ROCK2: variants seen among roughly 807,000 people sequenced by gnomAD.
ROCK2 encodes the protein Rho associated coiled-coil containing protein kinase 2, also known as rho-associated protein kinase 2.
A neutral mutation model predicts 195.1 loss-of-function variants in ROCK2; 61 were observed. The ratio of observed to expected loss-of-function variants is 0.31; its 90% CI spans 0.25 to 0.39. The LOEUF (loss-of-function observed/expected upper bound fraction) is 0.39. Ranked by LOEUF, ROCK2 falls within the 10% of genes least tolerant of loss-of-function variation. The pLI is 1.00. For synonymous variants in ROCK2, 504 were observed against 545.5 expected (o/e 0.92, Z 1.06); for missense variants, 1,109 against 1,637.4 (o/e 0.68, Z 5.57).
intron 1 of ROCK2, among the ~76,000 whole-genome samples, chr2:11,294,131 T>C (rs2148204694): frequency 6.6e-6 from 1 of 151,508 alleles, no homozygotes; most frequent in East Asian, 1.9e-4. Context: ...CACTCCAGCC[T>C]GGGTGACAGA....
intron 1 of ROCK2, chr2:11,308,824 T>G (rs1667944478): frequency 6.2e-7 from 1 of 1,611,810 alleles, no homozygotes; most frequent in Non-Finnish European, 8.5e-7. Flanking sequence ...AAATTAAACT[T>G]GGGCCAAATG....
chr2:11,337,812 T>C lies in ROCK2; in HGVS notation c.141+6184A>G, dbSNP rs1448809257. On this transcript the variant is annotated intron_variant, in intron 1 of 32. Transcript: ENST00000315872. ...CCACGCCTGGCTAATTTTTTTTTTC[T>C]TTTAATTTTTAGTAGAGATGGGGTT... Among the ~76,000 whole-genome samples, 51 of 151,816 alleles carry C rather than the reference T, an allele frequency of 3.4e-4. 1 individual carries two copies. The highest frequency in any genetic ancestry group is 3.2e-3 in the Admixed American group (49 of 15,242).
intron 27 of ROCK2, 169 bp from the exon 28 acceptor site, chr2:11,195,194 A>C: frequency 2.6e-6 from 1 of 381,284 alleles, no homozygotes; most frequent in East Asian, 3.9e-5. Context: ...AGTAGTAAAA[A>C]GTTATGCAAT....
At chr2:11,322,271 T>C (rs1436706057) in intron 1 of ROCK2, among the ~76,000 whole-genome samples, 1 of 152,162 alleles carries the variant, frequency 6.6e-6, no homozygotes, top group Non-Finnish European at 1.5e-5. Flanking sequence ...CATCATGTTG[T>C]ACACCATAAA....
chr2:11,321,632 C>T (rs34193264), intron 1 of ROCK2, among the ~76,000 whole-genome samples: 58,493 of 151,676 alleles, frequency 0.39, 13,221 homozygotes, highest in Admixed American at 0.52. Flanking sequence ...TCAATCTATC[C>T]CACAATAATC....
At position 11,199,730 on chromosome 2, in the gene ROCK2, T is replaced by C. The variant is rs148068919; in HGVS notation, c.2911-956A>G. Among the ~76,000 whole-genome samples, 496 of 152,348 alleles carry C rather than the reference T, an allele frequency of 3.3e-3. 1 individual carries two copies. The highest frequency in any genetic ancestry group is 5.6e-3 in the Non-Finnish European group (380 of 68,028). On this transcript the variant is annotated intron_variant, in intron 23 of 32. Coordinates refer to ENST00000315872, the MANE Select transcript of ROCK2 (RefSeq NM_004850.5). ...TGATACAAATGAAGATCTGATGTAATAGTTCCATCTTCTATTACATTTAAT... is the reference window on the plus strand; with the variant it reads ...TGATACAAATGAAGATCTGATGTAACAGTTCCATCTTCTATTACATTTAAT...
At chr2:11,268,757 A>G (rs1379828606) in intron 3 of ROCK2, among the ~76,000 whole-genome samples, 1 of 152,056 alleles carries the variant, frequency 6.6e-6, no homozygotes, top group Non-Finnish European at 1.5e-5. Context: ...CTCATTGTAG[A>G]TTTCCTTGAG....
intron 32 of ROCK2, among the ~76,000 whole-genome samples, chr2:11,188,859 C>T (rs1036796292): frequency 2.0e-4 from 31 of 151,480 alleles, no homozygotes; most frequent in African/African-American, 7.0e-4. Context: ...CTCCTGACCA[C>T]GTGATCCACC....
At chr2:11,309,394 C>T (rs1468609145) in intron 1 of ROCK2, among the ~76,000 whole-genome samples, 2 of 152,182 alleles carry the variant, frequency 1.3e-5, no homozygotes, top group South Asian at 2.1e-4. Flanking sequence ...TGTATATGTA[C>T]GCGTGTGTGC....
At chr2:11,308,384 G>A (rs1667929141) in intron 1 of ROCK2, 3 of 1,506,366 alleles carry the variant, frequency 2.0e-6, no homozygotes, top group Non-Finnish European at 2.8e-6. Flanking sequence ...AAGAATTTTG[G>A]CACCTGGTGA....
At chr2:11,189,994 C>CAAT (rs370740036) in intron 32 of ROCK2, among the ~76,000 whole-genome samples, 194 of 150,888 alleles carry the variant, frequency 1.3e-3, no homozygotes, top group African/African-American at 2.6e-3. Context: ...GACCCTGTCT[C>CAAT]AATAATAATA....
chr2:11,276,465 GAA>G (rs1335541947), intron 3 of ROCK2, among the ~76,000 whole-genome samples: 1 of 152,064 alleles, frequency 6.6e-6, no homozygotes, highest in Non-Finnish European at 1.5e-5. Context: ...TAACTTAATT[GAA>G]AGAGACATCT....
At chr2:11,209,081 T>G (rs1484266861) in intron 18 of ROCK2, among the ~76,000 whole-genome samples, 2 of 152,236 alleles carry the variant, frequency 1.3e-5, no homozygotes, top group African/African-American at 2.4e-5. Flanking sequence ...TACTGCTTAC[T>G]GCTATTCTAT....
chr2:11,302,440 T>C (rs528473683), intron 1 of ROCK2, among the ~76,000 whole-genome samples: 22 of 152,284 alleles, frequency 1.4e-4, no homozygotes, highest in African/African-American at 5.1e-4. Context: ...CCCAAGTAGC[T>C]GGGATTACAG....
chr2:11,312,548 T>A (rs921653448), intron 1 of ROCK2, among the ~76,000 whole-genome samples: 12 of 152,186 alleles, frequency 7.9e-5, no homozygotes, highest in South Asian at 2.1e-4. Flanking sequence ...AAATAGTATG[T>A]GCTCTTTATT....
intron 1 of ROCK2, among the ~76,000 whole-genome samples, chr2:11,317,576 T>TATATATATA (rs1668236906): frequency 3.4e-5 from 1 of 29,584 alleles, no homozygotes; most frequent in Non-Finnish European, 5.7e-5. Context: ...ATCTACACAT[T>TATATATATA]TATATATATA....
chr2:11,301,077 G>A (rs927391532), intron 1 of ROCK2, among the ~76,000 whole-genome samples: 3 of 151,984 alleles, frequency 2.0e-5, no homozygotes, highest in African/African-American at 7.3e-5. Context: ...AACAAAAATT[G>A]TAAAAAGCAA....
intron 17 of ROCK2, among the ~76,000 whole-genome samples, chr2:11,212,873 T>C (rs567641392): frequency 2.0e-5 from 3 of 152,260 alleles, no homozygotes; most frequent in South Asian, 4.1e-4. Flanking sequence ...TCTACTACTA[T>C]AGCCTACTGC....
At chr2:11,307,089 C>T (rs188385426) in intron 1 of ROCK2, among the ~76,000 whole-genome samples, 55 of 152,238 alleles carry the variant, frequency 3.6e-4, no homozygotes, top group South Asian at 2.3e-3. Flanking sequence ...ATTACACTAA[C>T]AACAATGGTT....
Sources: gnomAD v4.1 joint callset for allele counts (sites outside exome capture counted in the v4.1 genomes callset) on GRCh38, gnomAD v4.1.1 for gene constraint, MANE v1.5 for transcripts, NCBI Gene and HGNC (gene_info 2026-07-23, HGNC 2026-07-21) for gene names.